The following SHANK2 variants were observed in gnomAD, a reference collection of about 807,000 sequenced individuals.
The protein encoded by SHANK2 is SH3 and multiple ankyrin repeat domains 2, also known as SH3 and multiple ankyrin repeat domains protein 2.
In SHANK2, 43 loss-of-function variants were observed where a neutral mutation model predicts 133.7. The observed-to-expected ratio is 0.32, with a 90% CI of 0.25 to 0.41. The LOEUF is 0.41. SHANK2 is among the 10% of genes least tolerant of loss of function. The pLI is 1.00. For synonymous variants in SHANK2, 1,017 were observed against 952.8 expected, an observed-to-expected ratio of 1.07 and a Z score of -1.24; for missense variants, 1,994 against 2,235.8, an observed-to-expected ratio of 0.89 and a Z score of 2.18.
chr11:70,764,598 T>TATCC lies in SHANK2; in HGVS notation c.1777+33841_1777+33844dup, dbSNP rs149208360. On this transcript the variant is annotated intron_variant, in intron 14 of 25. Transcript: ENST00000601538. ...TGATCCATCTACCCATGCATCCACA[T>TATCC]ATCCATCCATCCATCCATCTACCCA... Among the ~76,000 whole-genome samples the TATCC allele has an allele frequency of 2.4e-3, 324 of 137,042 alleles. 10 individuals carry two copies. The East Asian group carries it at 0.072, about 30-fold the overall frequency. The allele number at this position is 137,042 out of a possible 152,430, so 89.9% of individuals were successfully genotyped here. A position where few individuals can be genotyped will look rare whatever the true frequency, so the allele number is the denominator to read the frequency against.
intron 14 of SHANK2, among the ~76,000 whole-genome samples, chr11:70,719,358 T>A (rs1946026415): frequency 6.6e-6 from 1 of 152,212 alleles, no homozygotes; most frequent in Non-Finnish European, 1.5e-5. Context: ...GCCCACCCAC[T>A]ATCCATGCCT....
In SHANK2 at chr11:70,470,648, T is replaced by C. The variant is rs1199184352; in HGVS notation, c.*2221A>G. On this transcript the variant is annotated 3_prime_UTR_variant, in exon 26 of 26. Coordinates refer to ENST00000601538, the MANE Select transcript of SHANK2 (RefSeq NM_012309.5). The stretch of plus-strand genomic sequence containing the variant: ...CAGCCTCAGCAGGCCACCTGTAGTA[T>C]CCTGTCTTGAAATTTATCTAGAGTA... 1.3e-5 allele frequency: 2 copies of C among 152,496 alleles called. No homozygotes were observed. Among genetic ancestry groups the C allele is most frequent in the Admixed American group, 6.5e-5 (1 of 15,272 alleles). 9.4% of individuals were successfully genotyped at this position (152,496 alleles called of 1,614,324 possible). A position where few individuals can be genotyped will look rare whatever the true frequency, so the allele number is the denominator to read the frequency against.
intron 17 of SHANK2, among the ~76,000 whole-genome samples, chr11:70,542,345 G>A (rs1554975348): frequency 6.6e-6 from 1 of 152,202 alleles, no homozygotes; most frequent in Non-Finnish European, 1.5e-5. Flanking sequence ...TGACGACAGA[G>A]ACACAGGTTG....
At chr11:70,672,527 T>A (rs1210714578) in intron 15 of SHANK2, among the ~76,000 whole-genome samples, 3 of 152,248 alleles carry the variant, frequency 2.0e-5, no homozygotes, top group Non-Finnish European at 2.9e-5. Flanking sequence ...GCCTTTGCGT[T>A]GCCTGTGCAA....
chr11:70,860,476 C>T (rs782045706), intron 11 of SHANK2, among the ~76,000 whole-genome samples: 4 of 152,168 alleles, frequency 2.6e-5, no homozygotes, highest in Admixed American at 1.3e-4. Flanking sequence ...AGAATTAGAC[C>T]AACAGAGTGT....
At chr11:70,837,788 A>C (rs1555060422) in intron 11 of SHANK2, among the ~76,000 whole-genome samples, 1 of 151,912 alleles carries the variant, frequency 6.6e-6, no homozygotes, top group Non-Finnish European at 1.5e-5. Context: ...CAGCCTGGCC[A>C]ACATAGCGAA....
Position 70,473,210 on chromosome 11 carries a change from G to C in SHANK2, c.5209C>G (p.Leu1737Val), listed in dbSNP as rs1555149145. 6.2e-7 allele frequency: 1 copy of C among 1,611,252 alleles called. No individual in the cohort carries two copies. Among genetic ancestry groups the C allele is most frequent in the Non-Finnish European group, 8.5e-7 (1 of 1,177,654 alleles). ...SAATASPSPA[L>V]SDVFSLPSQP... is the part of the protein sequence containing the mutation. ...CTTGGAAGGCTAAAGACATCTGAGAGAGCGGGAGAAGGAGAGGCGGTGGCA... is the reference window on the plus strand; with the variant it reads ...CTTGGAAGGCTAAAGACATCTGAGACAGCGGGAGAAGGAGAGGCGGTGGCA... Residue 1737 changes from leucine (L) to valine (V), a missense_variant, in exon 26 of 26, where the codon CTC becomes GTC. By Grantham distance (32) the Leu-to-Val change is conservative. Transcript: ENST00000601538. The surrounding 1 kb of genome is among the most constrained non-coding windows in gnomAD (Gnocchi z 5.9).
chr11:70,683,331 G>A (rs569837463), intron 15 of SHANK2, among the ~76,000 whole-genome samples: 7 of 151,938 alleles, frequency 4.6e-5, no homozygotes, highest in South Asian at 2.1e-4. Flanking sequence ...TCACCTCAGC[G>A]AGCTCCACTC....
chr11:70,866,314 A>G (rs537874448), intron 11 of SHANK2, among the ~76,000 whole-genome samples: 1 of 152,232 alleles, frequency 6.6e-6, no homozygotes, highest in East Asian at 1.9e-4. Flanking sequence ...AATGGGGGGA[A>G]CCATTTGGGA....
intron 12 of SHANK2, among the ~76,000 whole-genome samples, chr11:70,812,520 G>C (rs188297405): frequency 5.5e-4 from 83 of 152,260 alleles, no homozygotes; most frequent in African/African-American, 1.9e-3. Flanking sequence ...TCCTAGCTCG[G>C]GGTTCCCTGC....
intron 17 of SHANK2, chr11:70,570,453 A>G (rs1162119294): frequency 6.6e-6 from 1 of 152,216 alleles, no homozygotes; most frequent in Non-Finnish European, 1.5e-5. Flanking sequence ...TTGCTGCAGG[A>G]CCAGGACCGG....
chr11:70,909,770 C>T (rs192838359), intron 10 of SHANK2, among the ~76,000 whole-genome samples: 12 of 152,264 alleles, frequency 7.9e-5, no homozygotes, highest in East Asian at 1.9e-4. Flanking sequence ...AGATTAGCAA[C>T]GAGATTTGGT....
At chr11:70,509,177 C>G (rs2059169105) in intron 17 of SHANK2, among the ~76,000 whole-genome samples, 1 of 152,250 alleles carries the variant, frequency 6.6e-6, no homozygotes, top group Non-Finnish European at 1.5e-5. Context: ...GCCCGGCCTT[C>G]TTGGTTACCA....
At chr11:70,615,114 G>A (rs1302670391) in intron 17 of SHANK2, among the ~76,000 whole-genome samples, 8 of 152,222 alleles carry the variant, frequency 5.3e-5, no homozygotes, top group Non-Finnish European at 1.0e-4. Context: ...GGGGGATCAT[G>A]AACTCAACAC....
chr11:70,484,680 A>G (rs1348627449), intron 25 of SHANK2, among the ~76,000 whole-genome samples: 1 of 152,218 alleles, frequency 6.6e-6, no homozygotes, highest in Non-Finnish European at 1.5e-5. Flanking sequence ...AATGGAAATA[A>G]TGTAAACCCT....
chr11:70,637,146 T>C (rs2061113688), intron 17 of SHANK2, among the ~76,000 whole-genome samples: 1 of 152,110 alleles, frequency 6.6e-6, no homozygotes, highest in Non-Finnish European at 1.5e-5. Context: ...TGCATGTGTG[T>C]GTGCATTAGT....
chr11:70,636,757 AGCATGTGTGT>A (rs2061103788), intron 17 of SHANK2, among the ~76,000 whole-genome samples: 1 of 148,618 alleles, frequency 6.7e-6, no homozygotes, highest in Non-Finnish European at 1.5e-5. Flanking sequence ...CATGTGTGTG[AGCATGTGTGT>A]GAGCATCTGT....
intron 15 of SHANK2, among the ~76,000 whole-genome samples, chr11:70,665,618 C>A (rs1487336177): frequency 1.3e-5 from 2 of 152,206 alleles, no homozygotes; most frequent in Non-Finnish European, 2.9e-5. Flanking sequence ...CCCCCACTCC[C>A]CACCCACCAT....
intron 17 of SHANK2, among the ~76,000 whole-genome samples, chr11:70,545,642 A>AT (rs1170418753): frequency 6.6e-6 from 1 of 152,078 alleles, no homozygotes; most frequent in Non-Finnish European, 1.5e-5. Context: ...CTGGTGTTGT[A>AT]TTTTTTTCTG....
Sources: gnomAD v4.1 joint callset for allele counts (sites outside exome capture counted in the v4.1 genomes callset) on GRCh38, gnomAD v4.1.1 for gene constraint, Gnocchi (gnomAD v3.1) non-coding constraint, MANE v1.5 for transcripts, NCBI Gene and HGNC (gene_info 2026-07-23, HGNC 2026-07-21) for gene names.